Variants in DPP6 observed in about 807,000 individuals in gnomAD.
DPP6 encodes dipeptidyl peptidase like 6.
Under a neutral mutation model 122.6 loss-of-function variants are expected in DPP6, and 69 were observed. That is an observed-to-expected ratio of 0.56 (90% CI 0.46 to 0.69). The LOEUF is 0.69. Among genes scored for constraint, DPP6 ranks in the 30% least tolerant of loss-of-function variants. The pLI is 0.00. For synonymous variants in DPP6, 418 were observed against 433.1 expected, an observed-to-expected ratio of 0.97 and a Z score of 0.43; for missense variants, 928 against 1,116.9, an observed-to-expected ratio of 0.83 and a Z score of 2.41.
chr7:154,797,571 A>G (rs973272954), intron 12 of DPP6, among the ~76,000 whole-genome samples: 1 of 152,196 alleles, frequency 6.6e-6, no homozygotes, highest in Non-Finnish European at 1.5e-5. Flanking sequence ...AATTCCATCT[A>G]TATAAAATAT....
intron 3 of DPP6, among the ~76,000 whole-genome samples, chr7:154,501,253 A>G (rs2151411971): frequency 2.9e-5 from 1 of 34,698 alleles, no homozygotes; most frequent in Middle Eastern, 0.02. Flanking sequence ...ACATGATAGA[A>G]AAAAAAAATC....
intron 4 of DPP6, among the ~76,000 whole-genome samples, chr7:154,563,054 A>G (rs538662003): frequency 6.0e-4 from 92 of 152,348 alleles, no homozygotes; most frequent in Non-Finnish European, 1.1e-3. Context: ...CTAGAGAAAC[A>G]AATCAGAGAA....
intron 4 of DPP6, among the ~76,000 whole-genome samples, chr7:154,541,343 C>T (rs1156603532): frequency 6.6e-6 from 1 of 152,144 alleles, no homozygotes; most frequent in Non-Finnish European, 1.5e-5. Flanking sequence ...CTATGTTGCC[C>T]AGGCTGGTCT....
intron 1 of DPP6, among the ~76,000 whole-genome samples, chr7:153,930,897 A>G (rs1380145841): frequency 6.6e-6 from 1 of 152,236 alleles, no homozygotes; most frequent in Non-Finnish European, 1.5e-5. Flanking sequence ...TTGGCTCTCA[A>G]CTAAGCCAAC....
chr7:154,535,568 T>C (rs1271447614), intron 3 of DPP6, among the ~76,000 whole-genome samples: 1 of 151,608 alleles, frequency 6.6e-6, no homozygotes, highest in African/African-American at 2.4e-5. Context: ...GCCCCAGTGT[T>C]TAAAAAATTA....
At chr7:153,817,823 A>G in the DPP6 span, among the ~76,000 whole-genome samples, 14 of 151,272 alleles carry the variant, frequency 9.3e-5, no homozygotes, top group East Asian at 2.0e-4. Context: ...GCTAAATGAC[A>G]AGTTAATGGG....
At chr7:153,836,672 C>T in the DPP6 span, among the ~76,000 whole-genome samples, 6 of 152,136 alleles carry the variant, frequency 3.9e-5, no homozygotes, top group African/African-American at 9.7e-5. Context: ...TTTCATAAAA[C>T]GTAGGTAGCC....
At chr7:154,414,584 C>T (rs1353862554) in intron 1 of DPP6, among the ~76,000 whole-genome samples, 1 of 152,104 alleles carries the variant, frequency 6.6e-6, no homozygotes, top group African/African-American at 2.4e-5. Flanking sequence ...CATGTTATAC[C>T]CCAAGCCTTA....
chr7:153,793,423 G>C, the DPP6 span, among the ~76,000 whole-genome samples: 4 of 127,534 alleles, frequency 3.1e-5, no homozygotes, highest in African/African-American at 1.1e-4. Flanking sequence ...CTTTGAACTT[G>C]AGAGAGATGA....
chr7:154,706,699 C>A (rs182091926), intron 7 of DPP6, among the ~76,000 whole-genome samples: 2 of 152,210 alleles, frequency 1.3e-5, no homozygotes, highest in East Asian at 3.9e-4. Context: ...GGACACTGAA[C>A]ACGTACTATC....
the DPP6 span, among the ~76,000 whole-genome samples, chr7:153,829,029 C>T: frequency 6.6e-6 from 1 of 152,136 alleles, no homozygotes; most frequent in Non-Finnish European, 1.5e-5. Context: ...TACACAGATA[C>T]ATCATGGTTG....
At chr7:154,864,410 G>A (rs1436681816) in intron 17 of DPP6, among the ~76,000 whole-genome samples, 2 of 152,174 alleles carry the variant, frequency 1.3e-5, no homozygotes, top group East Asian at 3.8e-4. Context: ...GAGTCTCTGC[G>A]GTCTCACTGT....
At position 154,222,829 on chromosome 7, in the gene DPP6, G is replaced by A. The variant is rs370107526; in HGVS notation, c.243+169766G>A. ...GTGATCAGTCTTCAAGGCATGGGGT[G>A]GAACCACCAGTGCTCAGTCTGGAAC... is the stretch of plus-strand genomic sequence containing the variant. On this transcript the variant is annotated intron_variant, in intron 1 of 25. Transcript: ENST00000377770. 2.1e-4 allele frequency among the ~76,000 whole-genome samples: 32 copies of A among 148,970 alleles called. 4 individuals carry two copies. The highest frequency in any genetic ancestry group is 7.2e-4 in the African/African-American group (28 of 39,012).
At chr7:154,430,731 C>T (rs560872232) in intron 1 of DPP6, among the ~76,000 whole-genome samples, 71 of 152,260 alleles carry the variant, frequency 4.7e-4, no homozygotes, top group Middle Eastern at 3.4e-3. Flanking sequence ...CTGTGCTTGA[C>T]GCTCTGCTAG....
intron 1 of DPP6, among the ~76,000 whole-genome samples, chr7:154,425,399 G>C (rs1817798623): frequency 6.6e-6 from 1 of 152,122 alleles, no homozygotes; most frequent in Non-Finnish European, 1.5e-5. Context: ...AATTTGTGCA[G>C]CCCTAACATT....
chr7:154,825,332 T>C (rs988390590), intron 16 of DPP6, among the ~76,000 whole-genome samples: 2 of 152,242 alleles, frequency 1.3e-5, no homozygotes, highest in Non-Finnish European at 2.9e-5. Flanking sequence ...TGTAAGACTA[T>C]TTTAAATCTA....
chr7:154,858,707 T>C (rs73485680), intron 17 of DPP6, among the ~76,000 whole-genome samples: 7,565 of 152,264 alleles, frequency 0.05, 548 homozygotes, highest in African/African-American at 0.16. Flanking sequence ...TTAAGGGCTC[T>C]GCTTCCTGCA....
chr7:153,896,653 A>G (rs1398217277), intron 1 of DPP6, among the ~76,000 whole-genome samples: 2 of 152,114 alleles, frequency 1.3e-5, no homozygotes, highest in Non-Finnish European at 2.9e-5. Flanking sequence ...AATTTTTAAA[A>G]ATAATTATCC....
At chr7:154,406,604 T>C (rs1816137244) in intron 1 of DPP6, among the ~76,000 whole-genome samples, 1 of 152,134 alleles carries the variant, frequency 6.6e-6, no homozygotes, top group Admixed American at 6.5e-5. Flanking sequence ...TCAACCACAT[T>C]TATGGTTTCA....
Sources: gnomAD v4.1 joint callset for allele counts (sites outside exome capture counted in the v4.1 genomes callset) on GRCh38, gnomAD v4.1.1 for gene constraint, MANE v1.5 for transcripts, NCBI Gene and HGNC (gene_info 2026-07-23, HGNC 2026-07-21) for gene names.